TMIGD3: variants seen among roughly 807,000 people sequenced by gnomAD.
TMIGD3 encodes AD026 protein (AD026).
Under a neutral mutation model 28.1 loss-of-function variants are expected in TMIGD3, and 21 were observed. The ratio of observed to expected loss-of-function variants is 0.75; its 90% CI spans 0.53 to 1.08. TMIGD3 has a LOEUF of 1.08. TMIGD3 is among the 50% of genes least tolerant of loss of function. The pLI is 0.00. For synonymous variants in TMIGD3, 151 were observed against 162.1 expected, an observed-to-expected ratio of 0.93 and a Z score of 0.52; for missense variants, 416 against 435.6, an observed-to-expected ratio of 0.96 and a Z score of 0.40.
chr1:111,499,528 C>T, intron 1 of TMIGD3: 2 of 1,001,478 alleles, frequency 2.0e-6, no homozygotes, highest in South Asian at 4.3e-5. Context: ...CCAACATCTC[C>T]TAGGCATCCT....
In TMIGD3 at chr1:111,558,463, A is replaced by G. The variant is rs114844325; in HGVS notation, c.107+5383T>C. ...CAGCCTCCCAAAGTGCTGGGACTACAGGCATAAGCCAAAGCACCTGGAGGG... is the reference window on the plus strand; with the variant it reads ...CAGCCTCCCAAAGTGCTGGGACTACGGGCATAAGCCAAAGCACCTGGAGGG... On this transcript the variant is annotated intron_variant, in intron 1 of 5. Coordinates refer to the TMIGD3 transcript ENST00000369717. 9.1e-3 allele frequency among the ~76,000 whole-genome samples: 1,385 copies of G among 152,244 alleles called. 16 individuals carry two copies. Among genetic ancestry groups the G allele is most frequent in the African/African-American group, 0.032 (1,337 of 41,542 alleles).
At chr1:111,555,354 A>T (rs1657441865) in intron 1 of TMIGD3, among the ~76,000 whole-genome samples, 1 of 105,014 alleles carries the variant, frequency 9.5e-6, no homozygotes. Context: ...TGACAGACTG[A>T]GACTCTGTAA....
intron 1 of TMIGD3, among the ~76,000 whole-genome samples, chr1:111,513,519 A>C (rs759467775): frequency 2.0e-5 from 3 of 152,300 alleles, no homozygotes; most frequent in Admixed American, 2.0e-4. Flanking sequence ...CTAGGTTGGG[A>C]GTTTAGCCTC....
intron 1 of TMIGD3, among the ~76,000 whole-genome samples, chr1:111,492,813 CAA>C (rs34093957): frequency 0.12 from 12,359 of 103,328 alleles, 638 homozygotes; most frequent in East Asian, 0.26. Flanking sequence ...GATGCTGTCT[CAA>C]AAAAAAAAAA....
intron 1 of TMIGD3, among the ~76,000 whole-genome samples, chr1:111,538,696 G>A (rs1656721623): frequency 6.6e-6 from 1 of 152,176 alleles, no homozygotes; most frequent in South Asian, 2.1e-4. Context: ...TTCGAGAATT[G>A]AAGTTACATA....
At chr1:111,562,141 TC>T (rs749191467) in intron 1 of TMIGD3, among the ~76,000 whole-genome samples, 1 of 152,182 alleles carries the variant, frequency 6.6e-6, no homozygotes, top group Non-Finnish European at 1.5e-5. Context: ...GATGGTCTTT[TC>T]TTGTGGGCAA....
Position 111,489,001 on chromosome 1 carries a change from C to T in TMIGD3, c.481G>A (p.Val161Ile), listed in dbSNP as rs374665349. The T allele has an allele frequency of 2.2e-5, 35 of 1,612,240 alleles. No homozygotes were observed. The highest frequency in any genetic ancestry group is 2.7e-5 in the Non-Finnish European group (32 of 1,178,642). The change falls in exon 3 of 6, where the codon GTC (valine) becomes ATC (isoleucine). Residue 161 changes from valine to isoleucine, a missense_variant. Physicochemically the swap from Val to Ile is conservative, Grantham distance 29. Transcript: ENST00000369716. ...ISDAMVMDEK[V>I]KRSFVLDTAS... The stretch of plus-strand genomic sequence containing the variant: ...GTGTCCAGCACAAAGCTTCTCTTGA[C>T]CTTTTCATCCATGACCATGGCATCT...
chr1:111,484,810 T>C (rs541670403), intron 5 of TMIGD3, among the ~76,000 whole-genome samples: 1 of 152,358 alleles, frequency 6.6e-6, no homozygotes, highest in South Asian at 2.1e-4. Context: ...TTTTTAATTA[T>C]GCCTACAGAC....
At chr1:111,504,879 G>C (rs1054609161), upstream of TMIGD3, 26 of 985,272 alleles carry the variant, frequency 2.6e-5, no homozygotes, top group African/African-American at 4.4e-4. Context: ...GTCCCCGCCA[G>C]ACTTGTCATT....
At chr1:111,501,129 G>C (rs980104364) in intron 1 of TMIGD3, 20 of 153,832 alleles carry the variant, frequency 1.3e-4, no homozygotes, top group African/African-American at 4.6e-4. Flanking sequence ...TCTTGGCACT[G>C]TTCTGTTTGG....
rs764985092 is a variant in TMIGD3, at chr1:111,488,983, G to T, written c.499C>A (p.Leu167Met). 1 of 1,613,928 alleles carries T rather than the reference G, an allele frequency of 6.2e-7. No individual in the cohort carries two copies. ...MDEKVKRSFVLDTASAICNYN... is the reference protein window; with the variant it reads ...MDEKVKRSFVMDTASAICNYN... ...TTGCAGATGGCAGAAGCCGTGTCCAGCACAAAGCTTCTCTTGACCTTTTCA... is the reference window on the plus strand; with the variant it reads ...TTGCAGATGGCAGAAGCCGTGTCCATCACAAAGCTTCTCTTGACCTTTTCA... The change falls in exon 3 of 6, where the codon CTG becomes ATG. Residue 167 changes from leucine to methionine, a missense_variant. By Grantham distance (15) the Leu-to-Met change is conservative (BLOSUM62 2). Transcript: ENST00000369716.
intron 1 of TMIGD3, among the ~76,000 whole-genome samples, chr1:111,546,022 G>T (rs926398951): frequency 2.0e-5 from 3 of 152,100 alleles, no homozygotes; most frequent in Non-Finnish European, 2.9e-5. Context: ...GAATACTGTA[G>T]CTTTGTAGTT....
At chr1:111,489,666 C>T (rs771546585) in intron 2 of TMIGD3, 11 of 1,078,072 alleles carry the variant, frequency 1.0e-5, no homozygotes, top group African/African-American at 2.2e-5. Context: ...TGAGGCTTAC[C>T]GTTAGGAGGC....
chr1:111,548,832 ATG>A (rs1657137664), intron 1 of TMIGD3, among the ~76,000 whole-genome samples: 1 of 152,210 alleles, frequency 6.6e-6, no homozygotes, highest in South Asian at 2.1e-4. Context: ...TTCACTACAA[ATG>A]TGATGTTTGT....
At chr1:111,545,860 C>T (rs376275972) in intron 1 of TMIGD3, among the ~76,000 whole-genome samples, 1 of 152,194 alleles carries the variant, frequency 6.6e-6, no homozygotes, top group African/African-American at 2.4e-5. Context: ...TGTCCCAGCA[C>T]CATTTGTTGA....
chr1:111,527,852 T>C (rs1033896282), intron 1 of TMIGD3, among the ~76,000 whole-genome samples: 1 of 152,204 alleles, frequency 6.6e-6, no homozygotes, highest in African/African-American at 2.4e-5. Context: ...GGGTTGTTAA[T>C]TTTTTTATTG....
intron 1 of TMIGD3, among the ~76,000 whole-genome samples, chr1:111,535,044 AC>A (rs1571444445): frequency 6.6e-6 from 1 of 152,366 alleles, no homozygotes; most frequent in South Asian, 2.1e-4. Context: ...GCCTAGTTCA[AC>A]TACCTATCAG....
At chr1:111,533,482 C>A (rs754160873) in intron 1 of TMIGD3, among the ~76,000 whole-genome samples, 1 of 152,206 alleles carries the variant, frequency 6.6e-6, no homozygotes, top group Non-Finnish European at 1.5e-5. Flanking sequence ...CATATCTTAG[C>A]TAACCATTAT....
intron 1 of TMIGD3, among the ~76,000 whole-genome samples, chr1:111,541,954 C>T (rs1557842481): frequency 6.6e-6 from 1 of 152,158 alleles, no homozygotes; most frequent in Non-Finnish European, 1.5e-5. Flanking sequence ...AAAGAAACAA[C>T]TGGAGAGGAA....
Sources: allele counts gnomAD v4.1 joint callset (sites outside exome capture counted in the v4.1 genomes callset), GRCh38; gene constraint gnomAD v4.1.1; transcripts MANE v1.5; gene names NCBI Gene and HGNC (gene_info 2026-07-23, HGNC 2026-07-21).